Variants in MDM4 observed in about 807,000 individuals in gnomAD.
MDM4 encodes protein Mdm4.
Under a neutral mutation model 60.2 loss-of-function variants are expected in MDM4, and 2 were observed. The observed-to-expected ratio is 0.03, with a 90% CI of 0.01 to 0.10. The LOEUF is 0.10. Among genes scored for constraint, MDM4 ranks in the 10% least tolerant of loss-of-function variants. The probability of loss-of-function intolerance (pLI) is 1.00; values close to 1 mark genes in which losing one functional copy is unlikely to be tolerated. For missense variants in MDM4, 447 were observed against 577.5 expected (o/e 0.77, Z 2.32); for synonymous variants, 202 against 198.1 (o/e 1.02, Z -0.17).
intron 3 of MDM4, among the ~76,000 whole-genome samples, chr1:204,530,412 A>G (rs1296927462): frequency 6.6e-6 from 1 of 152,228 alleles, no homozygotes; most frequent in Non-Finnish European, 1.5e-5. Context: ...TTAAGAGGAT[A>G]CTAGGTAAAT....
At chr1:204,545,673 C>T (rs1247778521) in intron 9 of MDM4, among the ~76,000 whole-genome samples, 1 of 152,138 alleles carries the variant, frequency 6.6e-6, no homozygotes, top group Admixed American at 6.5e-5. Context: ...TGAATTAAGA[C>T]AAAAGTGACA....
intron 5 of MDM4, among the ~76,000 whole-genome samples, chr1:204,533,174 G>C (rs1308935531): frequency 6.6e-6 from 1 of 152,152 alleles, no homozygotes; most frequent in Non-Finnish European, 1.5e-5. Flanking sequence ...GTATGTATAG[G>C]AAACTGGCTG....
Position 204,551,699 on chromosome 1 carries a change from A to G in MDM4, c.*2017A>G. 4.3e-6 allele frequency: 1 copy of G among 230,758 alleles called. No homozygotes were observed. The highest frequency in any genetic ancestry group is 8.6e-6 in the Non-Finnish European group (1 of 116,640). The allele number at this position is 230,758 out of a possible 1,614,324, so 14.3% of individuals were successfully genotyped here. A position where few individuals can be genotyped will look rare whatever the true frequency, so the allele number is the denominator to read the frequency against. ...GTATGCATGTGTCATTTTGAAGACC[A>G]AGGCCCTAGAATTGTCAAACTTAAG... On this transcript the variant is annotated 3_prime_UTR_variant, in exon 11 of 11. Coordinates refer to ENST00000367182, the MANE Select transcript of MDM4 (RefSeq NM_002393.5).
At chr1:204,532,677 C>T (rs769390269) in intron 5 of MDM4, 3 of 1,321,466 alleles carry the variant, frequency 2.3e-6, no homozygotes, top group African/African-American at 1.5e-5. Flanking sequence ...ATCCAAAGTC[C>T]ACACATTGCC....
chr1:204,543,093 T>G, intron 8 of MDM4, 149 bp downstream of exon 8: 1 of 651,820 alleles, frequency 1.5e-6, no homozygotes, highest in East Asian at 2.8e-5. Context: ...TACCCAAATC[T>G]GTATCTCTAG....
At position 204,554,791 on chromosome 1, in the gene MDM4, A is replaced by G. The variant is rs141513156; in HGVS notation, c.*5109A>G. 672 of 226,336 alleles carry G rather than the reference A, an allele frequency of 3.0e-3. 3 individuals carry two copies. Among genetic ancestry groups the G allele is most frequent in the African/African-American group, 0.014 (617 of 45,052 alleles). 14.0% of individuals were successfully genotyped at this position (226,336 alleles called of 1,614,324 possible). On this transcript the variant is annotated 3_prime_UTR_variant, in exon 11 of 11. Transcript: ENST00000367182. ...AATTTTCATTCTGCTTGCCATTGCT[A>G]TATTCTCCCTTTATAGGAGCCATTG...
chr1:204,547,412 G>A (rs1662772757), intron 10 of MDM4, among the ~76,000 whole-genome samples: 1 of 152,224 alleles, frequency 6.6e-6, no homozygotes, highest in South Asian at 2.1e-4. Context: ...GACAACTCAA[G>A]TCTAGACCCA....
At chr1:204,518,015 G>A (rs1659170757) in intron 1 of MDM4, among the ~76,000 whole-genome samples, 1 of 152,120 alleles carries the variant, frequency 6.6e-6, no homozygotes, top group African/African-American at 2.4e-5. Context: ...AAAAAAATCA[G>A]TGTCATAGAG....
rs72752102 is a variant in MDM4 at position 204,534,517 on chromosome 1, T to G, written c.343+2271T>G. On this transcript the variant is annotated intron_variant, in intron 5 of 10. Coordinates refer to ENST00000367182, the MANE Select transcript of MDM4 (RefSeq NM_002393.5). Reference sequence around the variant, plus strand: ...TTGTTTTGTTTTGTTTGAGACAGGATCTCTCTGTTGCTCAGGCTAGAGTGC... The same window carrying G: ...TTGTTTTGTTTTGTTTGAGACAGGAGCTCTCTGTTGCTCAGGCTAGAGTGC... Among the ~76,000 whole-genome samples the G allele has an allele frequency of 6.7e-3, 1,013 of 152,312 alleles. 11 individuals are homozygous for G. The highest frequency in any genetic ancestry group is 0.041 in the Middle Eastern group (12 of 294).
intron 5 of MDM4, among the ~76,000 whole-genome samples, chr1:204,535,679 C>T (rs975401297): frequency 4.6e-5 from 7 of 151,866 alleles, no homozygotes; most frequent in Non-Finnish European, 8.8e-5. Context: ...ATTACAGGTG[C>T]GCACCACCAA....
rs1662268286 is a variant in MDM4, at chr1:204,542,940, A to G, written c.668A>G (p.Asn223Ser). 6.2e-7 allele frequency: 1 copy of G among 1,604,714 alleles called. No individual in the cohort carries two copies. Among genetic ancestry groups the G allele is most frequent in the Non-Finnish European group, 8.5e-7 (1 of 1,177,136 alleles). Residue 223 changes from asparagine to serine, a missense_variant, in exon 8 of 11, where the codon AAT becomes AGT. This residue lies in a region of MDM4 where 184 missense variants were observed against 179.3 expected (regional missense o/e 1.03). Coordinates refer to ENST00000367182, the MANE Select transcript of MDM4 (RefSeq NM_002393.5). ...RSNGSTDLQT[N>S]QDVGTAIVSD... Reference sequence around the variant, plus strand: ...AATGGCTCAACTGATTTACAGACAAATCAGGTAAATTTCACATTTGAAGGG... The same window carrying G: ...AATGGCTCAACTGATTTACAGACAAGTCAGGTAAATTTCACATTTGAAGGG...
At position 204,519,718 on chromosome 1, in the gene MDM4, G is replaced by A. The variant is rs149145539; in HGVS notation, c.-36+3209G>A. On this transcript the variant is annotated intron_variant, in intron 1 of 10. Transcript: ENST00000367182. ...AGTCCCAGCTACTCCAGAGGCTAAG[G>A]TGGGAGGCTTGCTTGAGCTGGGGAG... Among the ~76,000 whole-genome samples the A allele has an allele frequency of 2.3e-3, 346 of 152,190 alleles. 2 individuals are homozygous for A. Among genetic ancestry groups the A allele is most frequent in the Non-Finnish European group, 1.8e-3 (125 of 68,018 alleles).
intron 2 of MDM4, 148 bp from the exon 3 acceptor site, chr1:204,526,212 C>T (rs1660125724): frequency 3.1e-6 from 2 of 635,932 alleles, no homozygotes; most frequent in Admixed American, 2.7e-5. Context: ...CCTGTGATCA[C>T]ACCACTGCAC....
Position 204,546,909 on chromosome 1 carries a change from C to G in MDM4, c.903+32C>G, listed in dbSNP as rs530692137. 64 of 1,348,558 alleles carry G rather than the reference C, an allele frequency of 4.7e-5. 1 individual carries two copies. In the South Asian group the frequency reaches 7.6e-4, roughly 16 times the overall value. 83.5% of individuals were successfully genotyped at this position (1,348,558 alleles called of 1,614,324 possible). The stretch of plus-strand genomic sequence containing the variant: ...ATCTTTAGCAAGAACTATTTTGCAC[C>G]AGCCCCATCTTCAGATGATGTAATC... On this transcript the variant is annotated intron_variant, in intron 10 of 10. Transcript: ENST00000367182.
intron 2 of MDM4, 135 bp downstream of exon 2, chr1:204,525,731 A>G (rs1401230478): frequency 8.0e-6 from 5 of 627,494 alleles, no homozygotes; most frequent in Non-Finnish European, 1.4e-5. Flanking sequence ...CAGGTGTTTG[A>G]GACCAGCCTT....
chr1:204,540,334 T>C (rs1194368792), intron 7 of MDM4, among the ~76,000 whole-genome samples: 1 of 152,032 alleles, frequency 6.6e-6, no homozygotes, highest in Non-Finnish European at 1.5e-5. Flanking sequence ...GATATCTCAT[T>C]ATGTATATGC....
rs573939243 is a variant in MDM4, at chr1:204,556,084, C to T, written c.*6402C>T. ...GACTGATTTGAGTAATAATAAAACT[C>T]TGGTCTCCCTTAAGAAAAAAAAACC... On this transcript the variant is annotated 3_prime_UTR_variant, in exon 11 of 11. Coordinates refer to ENST00000367182, the MANE Select transcript of MDM4 (RefSeq NM_002393.5). 3 of 221,452 alleles carry T rather than the reference C, an allele frequency of 1.4e-5. No homozygotes were observed. In the East Asian group the frequency reaches 2.0e-4, roughly 15 times the overall value. 13.7% of individuals were successfully genotyped at this position (221,452 alleles called of 1,614,324 possible). A position where few individuals can be genotyped will look rare whatever the true frequency, so the allele number is the denominator to read the frequency against.
At chr1:204,545,960 T>C (rs986292093) in intron 9 of MDM4, among the ~76,000 whole-genome samples, 2 of 152,192 alleles carry the variant, frequency 1.3e-5, no homozygotes, top group African/African-American at 4.8e-5. Flanking sequence ...GGGCTTTAAA[T>C]TTTTAAATTC....
rs1186266832 is a variant in MDM4, at chr1:204,525,336, C to T, written c.-35-148C>T. On this transcript the variant is annotated intron_variant, in intron 1 of 10. Coordinates refer to ENST00000367182, the MANE Select transcript of MDM4 (RefSeq NM_002393.5). The stretch of plus-strand genomic sequence containing the variant: ...GAAAGTAGTCAGAAGATATGCAGAA[C>T]CTCAGCAAGGGTATACAGCATTTGT... The T allele has an allele frequency of 1.5e-5, 20 of 1,336,608 alleles. No homozygotes were observed. The South Asian group carries it at 3.2e-4, about 22-fold the overall frequency. The allele number at this position is 1,336,608 out of a possible 1,614,324, so 82.8% of individuals were successfully genotyped here.
Sources: gnomAD v4.1 joint callset for allele counts (sites outside exome capture counted in the v4.1 genomes callset) on GRCh38, gnomAD v4.1.1 for gene constraint, gnomAD v4.1.1 regional missense constraint, MANE v1.5 for transcripts, NCBI Gene and HGNC (gene_info 2026-07-23, HGNC 2026-07-21) for gene names.